Variants in WDPCP observed in about 807,000 individuals in gnomAD.
The protein encoded by WDPCP is WD repeat containing planar cell polarity effector, also known as WD repeat-containing and planar cell polarity effector protein fritz homolog.
Under a neutral mutation model 93.1 loss-of-function variants are expected in WDPCP, and 71 were observed. The observed-to-expected ratio is 0.76, with a 90% CI of 0.63 to 0.93. The LOEUF (loss-of-function observed/expected upper bound fraction) is 0.93. Among genes scored for constraint, WDPCP ranks in the 40% least tolerant of loss-of-function variants. The probability of loss-of-function intolerance (pLI) is 0.00; values close to 1 mark genes in which losing one functional copy is unlikely to be tolerated. For synonymous variants in WDPCP, 315 were observed against 315.0 expected, an observed-to-expected ratio of 1.00 and a Z score of 0.00; for missense variants, 844 against 887.4, an observed-to-expected ratio of 0.95 and a Z score of 0.62.
intron 6 of WDPCP, among the ~76,000 whole-genome samples, chr2:63,481,771 A>T (rs1357209847): frequency 6.6e-6 from 1 of 151,900 alleles, no homozygotes; most frequent in Non-Finnish European, 1.5e-5. Flanking sequence ...GGGATAAAAG[A>T]CTACAAATAG....
At position 63,127,246 on chromosome 2, in the gene WDPCP, C is replaced by A. The variant is rs181953489; in HGVS notation, c.2191-5190G>T. ...AAGCAATTCTCCTGCCTCAGCCTCC[C>A]GAGTAGCTGAGACTACAGGCATGAG... On this transcript the variant is annotated intron_variant, in intron 17 of 17. Coordinates refer to ENST00000272321, the MANE Select transcript of WDPCP (RefSeq NM_015910.7). 4.6e-4 allele frequency among the ~76,000 whole-genome samples: 70 copies of A among 151,470 alleles called. No individual in the cohort carries two copies. The South Asian group carries it at 0.015, about 32-fold the overall frequency.
intron 2 of WDPCP, among the ~76,000 whole-genome samples, chr2:63,704,124 T>G (rs1471438628): frequency 1.3e-5 from 2 of 152,244 alleles, no homozygotes; most frequent in Non-Finnish European, 2.9e-5. Context: ...TGTATAAGAA[T>G]GCTTGTGATT....
chr2:63,636,979 A>C (rs1205654180), intron 3 of WDPCP, among the ~76,000 whole-genome samples: 4 of 152,240 alleles, frequency 2.6e-5, no homozygotes, highest in Non-Finnish European at 5.9e-5. Flanking sequence ...TAGAAGAAAA[A>C]GAGAAAAGCT....
At chr2:63,453,389 A>G (rs897349743) in intron 6 of WDPCP, among the ~76,000 whole-genome samples, 5 of 152,196 alleles carry the variant, frequency 3.3e-5, no homozygotes, top group Admixed American at 1.3e-4. Flanking sequence ...CAAAACTACA[A>G]TGAGATATGA....
At chr2:63,812,986 G>C (rs1020404439) in intron 2 of WDPCP, among the ~76,000 whole-genome samples, 13 of 151,534 alleles carry the variant, frequency 8.6e-5, no homozygotes, top group Non-Finnish European at 1.8e-4. Context: ...CTGAGTAGCT[G>C]GGACTACAGG....
intron 3 of WDPCP, chr2:63,644,018 T>C (rs2106634506): frequency 2.2e-6 from 1 of 447,584 alleles, no homozygotes; most frequent in Middle Eastern, 7.5e-4. Flanking sequence ...TGGTACTCAC[T>C]TCAGATGCTT....
chr2:63,753,559 T>C (rs1277481428), intron 2 of WDPCP, among the ~76,000 whole-genome samples: 1 of 152,138 alleles, frequency 6.6e-6, no homozygotes, highest in Non-Finnish European at 1.5e-5. Flanking sequence ...TCAGGAAATT[T>C]ACAATTATGG....
intron 6 of WDPCP, among the ~76,000 whole-genome samples, chr2:63,461,560 T>C (rs573973811): frequency 6.6e-6 from 1 of 152,274 alleles, no homozygotes; most frequent in South Asian, 2.1e-4. Flanking sequence ...TATTTCTTTA[T>C]AGCAATGCAA....
At chr2:63,540,742 GTTTT>G (rs746920733) in intron 1 of WDPCP, among the ~76,000 whole-genome samples, 3 of 152,020 alleles carry the variant, frequency 2.0e-5, no homozygotes, top group Non-Finnish European at 2.9e-5. Context: ...TGATATAGTG[GTTTT>G]TTTGTTTGTT....
intron 14 of WDPCP, among the ~76,000 whole-genome samples, chr2:63,197,035 A>G (rs1675490573): frequency 1.3e-5 from 2 of 152,188 alleles, no homozygotes; most frequent in Non-Finnish European, 2.9e-5. Context: ...AGAAATAAAC[A>G]AATTATGATG....
chr2:63,515,536 T>C (rs1335430788), intron 1 of WDPCP, among the ~76,000 whole-genome samples: 1 of 152,180 alleles, frequency 6.6e-6, no homozygotes, highest in Non-Finnish European at 1.5e-5. Flanking sequence ...AATAACTGAT[T>C]GTGCTAGGAA....
At chr2:63,354,337 A>G (rs966474661) in intron 12 of WDPCP, among the ~76,000 whole-genome samples, 4 of 152,118 alleles carry the variant, frequency 2.6e-5, no homozygotes, top group African/African-American at 9.7e-5. Context: ...CATAACCACT[A>G]TGAGGTCCCT....
chr2:63,301,688 G>A (rs989003310), intron 13 of WDPCP, among the ~76,000 whole-genome samples: 3 of 152,110 alleles, frequency 2.0e-5, no homozygotes, highest in Admixed American at 6.5e-5. Context: ...GTTCAACAAG[G>A]TGTCAGGACC....
At chr2:63,323,413 G>A (rs201384718) in intron 12 of WDPCP, among the ~76,000 whole-genome samples, 9 of 152,276 alleles carry the variant, frequency 5.9e-5, no homozygotes, top group South Asian at 4.1e-4. Flanking sequence ...AAGCCCCATC[G>A]TAGGGGGGAC....
chr2:63,552,584 A>G (rs554062072), intron 1 of WDPCP, among the ~76,000 whole-genome samples: 17 of 152,294 alleles, frequency 1.1e-4, no homozygotes, highest in African/African-American at 4.1e-4. Context: ...ATATGGGTAT[A>G]TTGCGTGATG....
intron 1 of WDPCP, among the ~76,000 whole-genome samples, chr2:63,510,701 T>A (rs935215078): frequency 6.6e-6 from 1 of 152,106 alleles, no homozygotes; most frequent in Non-Finnish European, 1.5e-5. Context: ...TGGCTTGGCA[T>A]GGTGGCTCAC....
Position 63,485,085 on chromosome 2 carries a change from T to C in WDPCP, c.254-98A>G. ...TAGGGAGATTAAAATAAAACACCTCTATAATCGAGAGGAAGTGGGCTTCAT... is the reference window on the plus strand; with the variant it reads ...TAGGGAGATTAAAATAAAACACCTCCATAATCGAGAGGAAGTGGGCTTCAT... On this transcript the variant is annotated intron_variant, in intron 4 of 17. Transcript: ENST00000272321. 4.7e-6 allele frequency: 6 copies of C among 1,266,512 alleles called. No individual in the cohort carries two copies. In the South Asian group the frequency reaches 7.6e-5, roughly 16 times the overall value. The allele number at this position is 1,266,512 out of a possible 1,614,324, so 78.5% of individuals were successfully genotyped here. A position where few individuals can be genotyped will look rare whatever the true frequency, so the allele number is the denominator to read the frequency against.
At chr2:63,564,594 T>C (rs187794674) in intron 1 of WDPCP, 1 of 152,168 alleles carries the variant, frequency 6.6e-6, no homozygotes, top group Non-Finnish European at 1.5e-5. Flanking sequence ...CACAATTAAC[T>C]TTTTTTCAAT....
chr2:63,252,903 A>G (rs1274056693), intron 14 of WDPCP, among the ~76,000 whole-genome samples: 1 of 152,142 alleles, frequency 6.6e-6, no homozygotes, highest in Non-Finnish European at 1.5e-5. Flanking sequence ...TAGAAATAGA[A>G]CAAAAACCAT....
Sources: gnomAD v4.1 joint callset for allele counts (sites outside exome capture counted in the v4.1 genomes callset) on GRCh38, gnomAD v4.1.1 for gene constraint, MANE v1.5 for transcripts, NCBI Gene and HGNC (gene_info 2026-07-23, HGNC 2026-07-21) for gene names.